The following THRA variants were observed in gnomAD, a reference collection of about 807,000 sequenced individuals.
THRA encodes thyroid hormone receptor alpha, also known as EAR-7.
Under a neutral mutation model 45.0 loss-of-function variants are expected in THRA, and 13 were observed. The ratio of observed to expected loss-of-function variants is 0.29; its 90% CI spans 0.19 to 0.46. The LOEUF is 0.46. Among genes scored for constraint, THRA ranks in the 20% least tolerant of loss-of-function variants. The probability of loss-of-function intolerance (pLI) is 1.00; values close to 1 mark genes in which losing one functional copy is unlikely to be tolerated. For missense variants in THRA, 278 were observed against 556.1 expected (o/e 0.50, Z 5.03); for synonymous variants, 195 against 214.0 (o/e 0.91, Z 0.78).
Position 40,089,755 on chromosome 17 carries a change from T to C in THRA, c.*299T>C. On this transcript the variant is annotated 3_prime_UTR_variant, in exon 9 of 9. Transcript: ENST00000450525. The surrounding 1 kb of genome is among the most constrained non-coding windows in gnomAD (Gnocchi z 6.1). ...GAAGGTAGGGGAAGGGCGGGAGGATTGAGAAGGGACAAGCCACCTTGACCG... is the reference window on the plus strand; with the variant it reads ...GAAGGTAGGGGAAGGGCGGGAGGATCGAGAAGGGACAAGCCACCTTGACCG... 8.0e-7 allele frequency: 1 copy of C among 1,248,254 alleles called. No individual in the cohort carries two copies. Among genetic ancestry groups the C allele is most frequent in the Non-Finnish European group, 1.0e-6 (1 of 985,490 alleles). 77.3% of individuals were successfully genotyped at this position (1,248,254 alleles called of 1,614,324 possible).
chr17:40,064,598 T>C (rs1479318417), intron 1 of THRA, among the ~76,000 whole-genome samples: 1 of 152,230 alleles, frequency 6.6e-6, no homozygotes, highest in Non-Finnish European at 1.5e-5. Context: ...TAAATTTGGC[T>C]GTATGAAAAA....
At chr17:40,074,790 C>G (rs528795945) in intron 2 of THRA, among the ~76,000 whole-genome samples, 59 of 152,318 alleles carry the variant, frequency 3.9e-4, no homozygotes, top group Middle Eastern at 3.4e-3. Context: ...GGGGCTCTTC[C>G]CTAGACATTG....
chr17:40,087,153 AACAC>A (rs1199684091), intron 7 of THRA, among the ~76,000 whole-genome samples: 4 of 147,044 alleles, frequency 2.7e-5, no homozygotes, highest in South Asian at 4.3e-4. Context: ...CTAGTACACA[AACAC>A]ACACACAGAT....
chr17:40,075,661 C>T (rs1253243275), intron 2 of THRA, among the ~76,000 whole-genome samples: 1 of 152,296 alleles, frequency 6.6e-6, no homozygotes, highest in African/African-American at 2.4e-5. Context: ...AACCCCTCCC[C>T]CATCACCTTC....
chr17:40,070,060 C>A (rs926238936), intron 1 of THRA, among the ~76,000 whole-genome samples: 1 of 152,018 alleles, frequency 6.6e-6, no homozygotes, highest in Admixed American at 6.5e-5. Context: ...AGTAACCAAT[C>A]TCCCCCTTAT....
In THRA at chr17:40,077,535, A is replaced by G; in HGVS notation, c.149A>G (p.Asp50Gly). 6.2e-7 allele frequency: 1 copy of G among 1,614,012 alleles called. No individual in the cohort carries two copies. The highest frequency in any genetic ancestry group is 8.5e-7 in the Non-Finnish European group (1 of 1,179,964). Residue 50 changes from aspartate (D) to glycine (G), a missense_variant, in exon 4 of 9, where the codon GAC (aspartate) becomes GGC (glycine). Transcript: ENST00000450525. ...SGYIPSYLDK[D>G]EQCVVCGDKA... ...TATATCCCTAGTTACCTGGACAAAG[A>G]CGAGCAGTGTGTCGTGTGTGGGGAC... is the stretch of plus-strand genomic sequence containing the variant.
At chr17:40,067,043 T>C (rs1467869252) in intron 1 of THRA, among the ~76,000 whole-genome samples, 1 of 152,184 alleles carries the variant, frequency 6.6e-6, no homozygotes, top group African/African-American at 2.4e-5. Context: ...GAATTGGGTC[T>C]CCTAGACATC....
chr17:40,084,341 C>T (rs939724232), intron 5 of THRA: 1 of 516,626 alleles, frequency 1.9e-6, no homozygotes. Context: ...GATTGGGTGG[C>T]AGGATATTCG....
Position 40,092,737 on chromosome 17 carries a change from G to T in THRA, c.*3281G>T. 3.9e-6 allele frequency: 1 copy of T among 256,378 alleles called. No homozygotes were observed. Among genetic ancestry groups the T allele is most frequent in the Non-Finnish European group, 7.3e-6 (1 of 137,732 alleles). 15.9% of individuals were successfully genotyped at this position (256,378 alleles called of 1,614,324 possible). The stretch of plus-strand genomic sequence containing the variant: ...CCAGATGGAGAGGTGGCCCCCCCCA[G>T]CCTTGGCAGTATTTCCACCCCACCC... On this transcript the variant is annotated 3_prime_UTR_variant, in exon 9 of 9. Coordinates refer to ENST00000450525, the MANE Select transcript of THRA (RefSeq NM_199334.5).
chr17:40,088,007 C>T (rs527376120), intron 7 of THRA, among the ~76,000 whole-genome samples: 2 of 152,296 alleles, frequency 1.3e-5, no homozygotes, highest in South Asian at 2.1e-4. Flanking sequence ...GTGATCCACC[C>T]GCCTTGGCCT....
chr17:40,070,308 T>C (rs1356282700), intron 1 of THRA, among the ~76,000 whole-genome samples: 1 of 152,106 alleles, frequency 6.6e-6, no homozygotes, highest in Non-Finnish European at 1.5e-5. Context: ...CCGCCTTCAC[T>C]CCTCCTCTCC....
downstream of THRA, chr17:40,093,279 C>G: frequency 6.2e-7 from 1 of 1,613,638 alleles, no homozygotes; most frequent in Non-Finnish European, 8.5e-7. This position sits in a 1 kb window ranked among gnomAD's most constrained non-coding sequence, Gnocchi z 5.9. Context: ...CATGCCCGAG[C>G]GGTCTGTGGG....
Position 40,070,188 on chromosome 17 carries a change from A to G in THRA, c.-297-4004A>G, listed in dbSNP as rs1475565139. Reference sequence around the variant, plus strand: ...CCTGGGGGCCCAGTGAGAGCTCACCAAGGGGTGCCGCCTCCCCTCCTCCCG... The same window carrying G: ...CCTGGGGGCCCAGTGAGAGCTCACCGAGGGGTGCCGCCTCCCCTCCTCCCG... On this transcript the variant is annotated intron_variant, in intron 1 of 8. Transcript: ENST00000450525. Among the ~76,000 whole-genome samples, 6 of 152,004 alleles carry G rather than the reference A, an allele frequency of 3.9e-5. No individual in the cohort carries two copies. The East Asian group carries it at 1.2e-3, about 30-fold the overall frequency.
chr17:40,080,563 A>G (rs147107498), intron 4 of THRA, among the ~76,000 whole-genome samples: 1 of 152,310 alleles, frequency 6.6e-6, no homozygotes, highest in Non-Finnish European at 1.5e-5. Context: ...ACAGTGTAGC[A>G]TAGAGAAAGG....
intron 7 of THRA, among the ~76,000 whole-genome samples, chr17:40,087,408 A>G (rs1987368168): frequency 6.7e-6 from 1 of 149,032 alleles, no homozygotes; most frequent in Non-Finnish European, 1.5e-5. Flanking sequence ...CACACCCAGC[A>G]CACAGGCACA....
chr17:40,093,535 A>G, downstream of THRA: 1 of 1,247,538 alleles, frequency 8.0e-7, no homozygotes, highest in Non-Finnish European at 1.1e-6. The surrounding 1 kb of genome is among the most constrained non-coding windows in gnomAD (Gnocchi z 5.9). Context: ...CTTCCTCAGC[A>G]GGCCAAACAT....
chr17:40,077,372 T>C, intron 3 of THRA, 136 bp from the exon 4 acceptor site: 1 of 701,378 alleles, frequency 1.4e-6, no homozygotes, highest in East Asian at 2.6e-5. Context: ...CTCGTGTCTC[T>C]CTAGGATTCT....
intron 1 of THRA, among the ~76,000 whole-genome samples, chr17:40,063,463 G>C (rs1049375516): frequency 6.6e-6 from 1 of 151,878 alleles, no homozygotes; most frequent in Non-Finnish European, 1.5e-5. Context: ...GTTTGTTTAC[G>C]GTGCGCCGGA....
chr17:40,093,575 G>C, downstream of THRA: 1 of 901,664 alleles, frequency 1.1e-6, no homozygotes, highest in South Asian at 1.8e-5. This position sits in a 1 kb window ranked among gnomAD's most constrained non-coding sequence, Gnocchi z 5.9. Context: ...TTGCTGTGTA[G>C]TTCCCTCTGC....
Sources: gnomAD v4.1 joint callset for allele counts (sites outside exome capture counted in the v4.1 genomes callset) on GRCh38, gnomAD v4.1.1 for gene constraint, Gnocchi (gnomAD v3.1) non-coding constraint, MANE v1.5 for transcripts, NCBI Gene and HGNC (gene_info 2026-07-23, HGNC 2026-07-21) for gene names.